NRN1: variants seen among roughly 807,000 people sequenced by gnomAD.
NRN1 encodes neuritin 1, also known as neuritin.
In NRN1, 4 loss-of-function variants were observed where a neutral mutation model predicts 15.0. The ratio of observed to expected loss-of-function variants is 0.27; its 90% confidence interval spans 0.13 to 0.61. The LOEUF is 0.61. NRN1 is among the 20% of genes least tolerant of loss of function. The pLI is 0.87. For synonymous variants in NRN1, 85 were observed against 79.8 expected, an observed-to-expected ratio of 1.07 and a Z score of -0.35; for missense variants, 134 against 181.9, an observed-to-expected ratio of 0.74 and a Z score of 1.51.
intron 2 of NRN1, 94 bp downstream of exon 2, chr6:6,002,259 G>T (rs1327712366): frequency 1.1e-5 from 16 of 1,478,654 alleles, no homozygotes; most frequent in Non-Finnish European, 1.5e-5. Context: ...TCGCGCTGGC[G>T]CTGAACGCTG....
intron 1 of NRN1, chr6:6,003,124 G>T: frequency 9.3e-7 from 1 of 1,071,744 alleles, no homozygotes; most frequent in Non-Finnish European, 1.2e-6. Flanking sequence ...GAAGCCACCA[G>T]CAGTTACCGA....
chr6:6,004,019 C>G (rs1159152388), intron 1 of NRN1: 15 of 1,199,218 alleles, frequency 1.3e-5, no homozygotes, highest in Middle Eastern at 3.2e-4. Context: ...GGCCAGACGC[C>G]GAAGAGGAAG....
At chr6:6,000,168 C>T (rs181998222) in intron 2 of NRN1, among the ~76,000 whole-genome samples, 3 of 152,302 alleles carry the variant, frequency 2.0e-5, no homozygotes, top group Admixed American at 2.0e-4. Flanking sequence ...CCCACCTCTG[C>T]CAACCTTCGA....
chr6:6,002,420 G>A lies in NRN1; in HGVS notation c.133C>T (p.Leu45=). ...GGGTAGTTGGCCATGCTGTCGCCCA[G>A]CTTGAGCAAACAGTCCGAAAAGCCC... The part of the protein sequence containing the change: ...FKGFSDCLLK[L]GDSMANYPQG... The change falls in exon 2 of 3, where the codon CTG becomes TTG. Residue 45 remains leucine (L), a synonymous_variant. Transcript: ENST00000244766. 3 of 1,614,216 alleles carry A rather than the reference G, an allele frequency of 1.9e-6. No individual in the cohort carries two copies. Among genetic ancestry groups the A allele is most frequent in the Non-Finnish European group, 2.5e-6 (3 of 1,180,028 alleles).
At chr6:6,005,752 T>C (rs1758095832) in intron 1 of NRN1, among the ~76,000 whole-genome samples, 1 of 152,268 alleles carries the variant, frequency 6.6e-6, no homozygotes, top group East Asian at 1.9e-4. Context: ...CTTTCACTTT[T>C]AGGCCACGTT....
At chr6:6,004,213 G>C (rs1395207703) in intron 1 of NRN1, among the ~76,000 whole-genome samples, 3 of 152,166 alleles carry the variant, frequency 2.0e-5, no homozygotes, top group Non-Finnish European at 4.4e-5. Context: ...ACCTTACAGC[G>C]AACATTAAAT....
upstream of NRN1, chr6:6,007,429 A>T (rs1187192440): frequency 6.6e-6 from 1 of 152,398 alleles, no homozygotes; most frequent in Non-Finnish European, 1.5e-5. Context: ...AAAACAGCTA[A>T]GCTAGCTCGA....
chr6:6,003,337 A>T, intron 1 of NRN1: 1 of 974,894 alleles, frequency 1.0e-6, no homozygotes, highest in East Asian at 3.3e-5. Context: ...TCACCTCCGC[A>T]AAGGCCAAAT....
intron 2 of NRN1, among the ~76,000 whole-genome samples, chr6:6,000,475 C>T (rs76414896): frequency 0.055 from 8,370 of 152,272 alleles, 754 homozygotes; most frequent in African/African-American, 0.19. Flanking sequence ...CACCAGGTCA[C>T]AGGCACCTGC....
upstream of NRN1, among the ~76,000 whole-genome samples, chr6:6,007,315 C>A (rs990815664): frequency 6.6e-6 from 1 of 151,840 alleles, no homozygotes; most frequent in Admixed American, 6.6e-5. Flanking sequence ...AGTCCTGGCG[C>A]GCCCACTCGA....
chr6:6,002,278 CG>C (rs1757969637), intron 2 of NRN1, 74 bp downstream of exon 2: 7 of 1,541,066 alleles, frequency 4.5e-6, no homozygotes, highest in Non-Finnish European at 6.2e-6. Flanking sequence ...TGAGCGCAGG[CG>C]GGGAGGCTCG....
intron 1 of NRN1, among the ~76,000 whole-genome samples, chr6:6,005,468 A>AAATCATGTC (rs1758084096): frequency 6.6e-6 from 1 of 152,234 alleles, no homozygotes; most frequent in Admixed American, 6.5e-5. Context: ...TAAAATCTCA[A>AAATCATGTC]AATCATGTCA....
chr6:6,000,715 A>C (rs1757918853), intron 2 of NRN1, among the ~76,000 whole-genome samples: 1 of 116,758 alleles, frequency 8.6e-6, no homozygotes, highest in Admixed American at 9.2e-5. Context: ...AGGATGCCTA[A>C]ATTGCTCTTT....
chr6:5,998,856 T>G lies in NRN1; in HGVS notation c.*120A>C. On this transcript the variant is annotated 3_prime_UTR_variant, in exon 3 of 3. Coordinates refer to ENST00000244766, the MANE Select transcript of NRN1 (RefSeq NM_016588.3). ...AATCAGGATTTCCCACAATCCTATA[T>G]GAGTGTTTTCAGCATCACAGAGAAT... 1 of 674,346 alleles carries G rather than the reference T, an allele frequency of 1.5e-6. No individual in the cohort carries two copies. Among genetic ancestry groups the G allele is most frequent in the Non-Finnish European group, 2.5e-6 (1 of 395,286 alleles). The allele number at this position is 674,346 out of a possible 1,614,324, so 41.8% of individuals were successfully genotyped here.
At chr6:6,002,581 G>A in intron 1 of NRN1, 84 bp from the exon 2 acceptor site, 2 of 1,533,782 alleles carry the variant, frequency 1.3e-6, no homozygotes. Flanking sequence ...CCCTGGCTCC[G>A]CGCGGCCTCA....
intron 1 of NRN1, among the ~76,000 whole-genome samples, chr6:6,006,460 G>T (rs1378181184): frequency 2.0e-5 from 3 of 152,228 alleles, no homozygotes; most frequent in African/African-American, 7.2e-5. Flanking sequence ...AAAAAACCGT[G>T]TCCAGAAAAT....
In NRN1 at chr6:5,999,027, C is replaced by T. The variant is rs377380836; in HGVS notation, c.378G>A (p.Pro126=). The T allele has an allele frequency of 3.7e-6, 6 of 1,613,344 alleles. No individual in the cohort carries two copies. The highest frequency in any genetic ancestry group is 2.2e-5 in the East Asian group (1 of 44,878). Residue 126 remains proline (P), a synonymous_variant, in exon 3 of 3, where the codon CCG becomes CCA. Transcript: ENST00000244766. ...CTGCCGAGAGAGACACCAGGAGCAC[C>T]GGGAACGCCGGGAGCAGGGACCCCG... ...GAAGSLLPAF[P]VLLVSLSAAL...
intron 2 of NRN1, among the ~76,000 whole-genome samples, chr6:6,000,722 CTTT>C (rs55712329): frequency 0.033 from 2,000 of 60,778 alleles, 166 homozygotes; most frequent in East Asian, 0.26. Context: ...CTAAATTGCT[CTTT>C]TTTTTTTTTT....
In NRN1 at chr6:5,999,510, G is replaced by T. The variant is rs193141824; in HGVS notation, c.201-306C>A. ...AGCCGGGCCGTGCACCCGCTGTGGC[G>T]CGCTGGCACCTCGGCCTCCGCAAAC... is the stretch of plus-strand genomic sequence containing the variant. On this transcript the variant is annotated intron_variant, in intron 2 of 2. Transcript: ENST00000244766. Among the ~76,000 whole-genome samples, 1,015 of 152,358 alleles carry T rather than the reference G, an allele frequency of 6.7e-3. 5 individuals carry two copies. Among genetic ancestry groups the T allele is most frequent in the South Asian group, 0.011 (52 of 4,830 alleles).
Sources: gnomAD v4.1 joint callset for allele counts (sites outside exome capture counted in the v4.1 genomes callset) on GRCh38, gnomAD v4.1.1 for gene constraint, MANE v1.5 for transcripts, NCBI Gene and HGNC (gene_info 2026-07-23, HGNC 2026-07-21) for gene names.